ERMP1: variants seen among roughly 807,000 people sequenced by gnomAD.
ERMP1 encodes endoplasmic reticulum metallopeptidase 1, also known as Felix-ina.
Under a neutral mutation model 92.0 loss-of-function variants are expected in ERMP1, and 86 were observed. That is an observed-to-expected ratio of 0.93 (90% CI 0.79 to 1.12). ERMP1 has a LOEUF of 1.12. Ranked by LOEUF, ERMP1 falls within the 50% of genes most tolerant of loss-of-function variation. The pLI, the probability that ERMP1 is intolerant of heterozygous loss-of-function variation, is 0.00. For missense variants in ERMP1, 1,342 were observed against 1,116.3 expected (o/e 1.20, Z -2.88); for synonymous variants, 530 against 412.8 (o/e 1.28, Z -3.44).
chr9:5,832,315 T>C, intron 1 of ERMP1: 1 of 199,476 alleles, frequency 5.0e-6, no homozygotes, highest in Admixed American at 6.1e-5. Context: ...TATACAACAG[T>C]CTAGGTACAC....
chr9:5,812,342 C>G (rs1204269641), intron 5 of ERMP1, 125 bp from the exon 6 acceptor site: 2 of 597,740 alleles, frequency 3.3e-6, no homozygotes, highest in Non-Finnish European at 5.9e-6. Flanking sequence ...TGCTTTGTCA[C>G]ATTTACAAAC....
chr9:5,858,656 A>G (rs1289704407), intron 6 of ERMP1, among the ~76,000 whole-genome samples: 1 of 152,202 alleles, frequency 6.6e-6, no homozygotes, highest in Non-Finnish European at 1.5e-5. Context: ...TCAAAAGCTT[A>G]AGGTAAAAGT....
intron 3 of ERMP1, 97 bp from the exon 4 acceptor site, chr9:5,824,098 A>G: frequency 1.2e-6 from 1 of 857,752 alleles, no homozygotes; most frequent in Middle Eastern, 2.2e-4. Context: ...TGATGAGGTA[A>G]GGAATATGAA....
Position 5,861,251 on chromosome 9 carries a change from G to GA in ERMP1, n.3056-1641_3056-1640insT, listed in dbSNP as rs1339488809. On this transcript the variant is annotated intron_variant and non_coding_transcript_variant, in intron 5 of 6. Transcript: ENST00000690753. Reference sequence around the variant, plus strand: ...CTAAGAAAAAGTAAAGTACTGGAGAGGGAAAAAAAATCAGTTAATAACTCA... The same window carrying GA: ...CTAAGAAAAAGTAAAGTACTGGAGAGAGGAAAAAAAATCAGTTAATAACTCA... 1.7e-4 allele frequency among the ~76,000 whole-genome samples: 17 copies of GA among 102,114 alleles called. No individual in the cohort carries two copies. In the East Asian group the frequency reaches 2.1e-3, roughly 12 times the overall value. The allele number at this position is 102,114 out of a possible 152,430, so 67.0% of individuals were successfully genotyped here.
In ERMP1 at chr9:5,831,002, A is replaced by T; in HGVS notation, c.365T>A (p.Ile122Asn). Residue 122 changes from isoleucine (I) to asparagine (N), a missense_variant, in exon 2 of 15, where the codon ATT (isoleucine) becomes AAT (asparagine). Transcript: ENST00000339450. Reference protein sequence around the residue: ...ARDYLEHITSIGPRTTGSPEN... With the variant: ...ARDYLEHITSNGPRTTGSPEN... ...TGGACTTCCTGTAGTCCTGGGGCCA[A>T]TGGAGGTTATGTGTTCAAGATAATC... 6.2e-7 allele frequency: 1 copy of T among 1,613,918 alleles called. No homozygotes were observed. The highest frequency in any genetic ancestry group is 8.5e-7 in the Non-Finnish European group (1 of 1,179,820).
intron 13 of ERMP1, among the ~76,000 whole-genome samples, chr9:5,793,847 A>C (rs1260807815): frequency 6.6e-6 from 1 of 152,142 alleles, no homozygotes; most frequent in African/African-American, 2.4e-5. Context: ...ACAGTCAGAG[A>C]CTTCAACACC....
At chr9:5,810,790 C>G in intron 7 of ERMP1, among the ~76,000 whole-genome samples, 1 of 152,104 alleles carries the variant, frequency 6.6e-6, no homozygotes, top group Non-Finnish European at 1.5e-5. Context: ...CTTCGTGACA[C>G]TGGTCCATAC....
intron 8 of ERMP1, among the ~76,000 whole-genome samples, chr9:5,808,105 A>C (rs946348389): frequency 3.9e-5 from 6 of 152,164 alleles, no homozygotes; most frequent in African/African-American, 1.4e-4. Context: ...TTACAGGTGT[A>C]AGCCACCATG....
rs1021181281 is a variant in ERMP1 at position 5,786,164 on chromosome 9, T to C, written c.*980A>G. On this transcript the variant is annotated 3_prime_UTR_variant, in exon 15 of 15. Coordinates refer to ENST00000339450, the MANE Select transcript of ERMP1 (RefSeq NM_024896.3). ...CTGGAAAACAAAAAGATAGGCCCAG[T>C]GCATCAGTAAGATTATACCATGAAG... 2 of 152,134 alleles carry C rather than the reference T, an allele frequency of 1.3e-5. No individual in the cohort carries two copies. Among genetic ancestry groups the C allele is most frequent in the Admixed American group, 6.6e-5 (1 of 15,260 alleles). 9.4% of individuals were successfully genotyped at this position (152,134 alleles called of 1,614,324 possible). A position where few individuals can be genotyped will look rare whatever the true frequency, so the allele number is the denominator to read the frequency against.
intron 13 of ERMP1, among the ~76,000 whole-genome samples, 168 bp downstream of exon 13, chr9:5,797,647 CAA>C (rs58936639): frequency 1.1e-3 from 134 of 117,214 alleles, no homozygotes; most frequent in East Asian, 0.011. Flanking sequence ...GACTCCATCT[CAA>C]AAAAAAAAAA....
At chr9:5,840,792 T>C (rs1830153955) in intron 6 of ERMP1, among the ~76,000 whole-genome samples, 2 of 152,254 alleles carry the variant, frequency 1.3e-5, no homozygotes, top group South Asian at 2.1e-4. Context: ...GTTGCTATTA[T>C]TCTGTGGTTG....
chr9:5,856,187 A>C lies in ERMP1; in HGVS notation n.3199+3281T>G, dbSNP rs1181778441. On this transcript the variant is annotated intron_variant and non_coding_transcript_variant, in intron 6 of 6. Transcript: ENST00000690753. ...TGGTTTGTCCTAAAGTCCTCAGAAAACCATCTGGGAGCCAGTGCTGGGCAT... is the reference window on the plus strand; with the variant it reads ...TGGTTTGTCCTAAAGTCCTCAGAAACCCATCTGGGAGCCAGTGCTGGGCAT... 1.4e-5 allele frequency: 4 copies of C among 279,152 alleles called. No homozygotes were observed. The East Asian group carries it at 4.2e-4, about 29-fold the overall frequency. 17.3% of individuals were successfully genotyped at this position (279,152 alleles called of 1,614,324 possible). A position where few individuals can be genotyped will look rare whatever the true frequency, so the allele number is the denominator to read the frequency against.
chr9:5,817,063 T>G (rs189281625), intron 4 of ERMP1, among the ~76,000 whole-genome samples: 1 of 150,366 alleles, frequency 6.7e-6, no homozygotes, highest in East Asian at 1.9e-4. Context: ...TATGCCCGGG[T>G]AATTTTTTGT....
At chr9:5,831,119 A>G (rs1318581309) in intron 1 of ERMP1, 91 bp from the exon 2 acceptor site, 3 of 987,610 alleles carry the variant, frequency 3.0e-6, no homozygotes, top group African/African-American at 1.6e-5. Context: ...TTCCTCCCCA[A>G]AAAAGCTTAG....
At chr9:5,845,195 T>C (rs1365745891) in intron 6 of ERMP1, among the ~76,000 whole-genome samples, 1 of 152,000 alleles carries the variant, frequency 6.6e-6, no homozygotes, top group Non-Finnish European at 1.5e-5. Flanking sequence ...TTATAAATCA[T>C]TGTTTCTTCT....
chr9:5,812,171 C>G lies in ERMP1; in HGVS notation c.1068G>C (p.Lys356Asn). 6.2e-7 allele frequency: 1 copy of G among 1,611,342 alleles called. No individual in the cohort carries two copies. The highest frequency in any genetic ancestry group is 8.5e-7 in the Non-Finnish European group (1 of 1,178,586). Residue 356 changes from lysine to asparagine, a missense_variant, in exon 6 of 15, where the codon AAG becomes AAC. Physicochemically the swap from Lys to Asn is moderately conservative, Grantham distance 94. Coordinates refer to ENST00000339450, the MANE Select transcript of ERMP1 (RefSeq NM_024896.3). Reference protein sequence around the residue: ...FIENGYIYHTKYDTADRILTD... With the variant: ...FIENGYIYHTNYDTADRILTD... ...TTAGAATTCTGTCCGCTGTGTCATA[C>G]TTGGTGTGATAAATGTATCCATTCT...
chr9:5,861,717 G>GTTTT (rs34804675), intron 5 of ERMP1, among the ~76,000 whole-genome samples: 811 of 66,108 alleles, frequency 0.012, 28 homozygotes, highest in African/African-American at 0.022. Flanking sequence ...GAGAGGAAGG[G>GTTTT]TTTTTTTTTT....
chr9:5,810,681 TTA>T (rs1460153327), intron 7 of ERMP1, among the ~76,000 whole-genome samples: 1 of 152,184 alleles, frequency 6.6e-6, no homozygotes, highest in Non-Finnish European at 1.5e-5. Context: ...GCTAAATATT[TTA>T]TCTCGTAACA....
At chr9:5,845,977 TG>T (rs758491176) in intron 6 of ERMP1, among the ~76,000 whole-genome samples, 1 of 152,140 alleles carries the variant, frequency 6.6e-6, no homozygotes, top group East Asian at 1.9e-4. Context: ...CAGGCCTGGA[TG>T]GGCAAATGTG....
Sources: gnomAD v4.1 joint callset for allele counts (sites outside exome capture counted in the v4.1 genomes callset) on GRCh38, gnomAD v4.1.1 for gene constraint, MANE v1.5 for transcripts, NCBI Gene and HGNC (gene_info 2026-07-23, HGNC 2026-07-21) for gene names.